GUCY1A2: variants seen among roughly 807,000 people sequenced by gnomAD.
GUCY1A2 encodes guanylate cyclase soluble subunit alpha-2.
A neutral mutation model predicts 63.5 loss-of-function variants in GUCY1A2; 27 were observed. The observed-to-expected ratio is 0.43, with a 90% CI of 0.31 to 0.59. The LOEUF (loss-of-function observed/expected upper bound fraction) is 0.59, where lower values mean the gene tolerates loss of function less well. Ranked by LOEUF, GUCY1A2 falls within the 20% of genes least tolerant of loss-of-function variation. The pLI is 0.11. For missense variants in GUCY1A2, 768 were observed against 913.3 expected (o/e 0.84, Z 2.05); for synonymous variants, 364 against 343.5 (o/e 1.06, Z -0.66).
intron 5 of GUCY1A2, among the ~76,000 whole-genome samples, chr11:106,779,404 C>T (rs557970034): frequency 1.3e-5 from 2 of 152,248 alleles, no homozygotes; most frequent in African/African-American, 4.8e-5. Context: ...AGACAATGTT[C>T]TTTGCTAATC....
chr11:106,985,751 C>G (rs551314072), intron 2 of GUCY1A2, among the ~76,000 whole-genome samples: 1 of 152,004 alleles, frequency 6.6e-6, no homozygotes, highest in Non-Finnish European at 1.5e-5. Flanking sequence ...GGGTTGGTAC[C>G]AATAAAGCTC....
chr11:106,743,739 C>A (rs772649988), intron 6 of GUCY1A2, among the ~76,000 whole-genome samples: 7 of 152,152 alleles, frequency 4.6e-5, no homozygotes, highest in Non-Finnish European at 8.8e-5. Context: ...GAAAGCCATT[C>A]AGTTTGTAAA....
chr11:106,745,265 A>G (rs376910011), intron 6 of GUCY1A2, among the ~76,000 whole-genome samples: 4 of 152,332 alleles, frequency 2.6e-5, no homozygotes, highest in African/African-American at 9.6e-5. Flanking sequence ...TAAACCCCAC[A>G]GTGTTCTAGG....
chr11:106,760,053 G>A (rs936685988), intron 6 of GUCY1A2, among the ~76,000 whole-genome samples: 2 of 152,116 alleles, frequency 1.3e-5, no homozygotes, highest in African/African-American at 2.4e-5. Flanking sequence ...ATAGTAGAGA[G>A]ACCTGGACAG....
intron 1 of GUCY1A2, among the ~76,000 whole-genome samples, chr11:107,000,611 C>CT (rs1386062863): frequency 2.0e-5 from 3 of 152,194 alleles, no homozygotes; most frequent in Admixed American, 2.0e-4. Context: ...GGTCATCTCT[C>CT]TCCCTCTCTC....
intron 1 of GUCY1A2, among the ~76,000 whole-genome samples, chr11:106,998,497 C>T (rs1348057002): frequency 2.0e-5 from 3 of 152,116 alleles, no homozygotes; most frequent in Non-Finnish European, 2.9e-5. Context: ...ATATTCACAC[C>T]GGAATTTTAA....
intron 3 of GUCY1A2, among the ~76,000 whole-genome samples, chr11:106,961,448 C>G (rs1861056739): frequency 6.6e-6 from 1 of 152,222 alleles, no homozygotes; most frequent in East Asian, 1.9e-4. Context: ...AAGATTCCCT[C>G]AACACTATTT....
chr11:106,724,062 T>C (rs1863362933), intron 6 of GUCY1A2, among the ~76,000 whole-genome samples: 1 of 152,328 alleles, frequency 6.6e-6, no homozygotes, highest in South Asian at 2.1e-4. Flanking sequence ...AACAACCATA[T>C]GAATAAACAG....
chr11:106,819,402 G>A (rs530123910), intron 4 of GUCY1A2, among the ~76,000 whole-genome samples: 3 of 152,218 alleles, frequency 2.0e-5, no homozygotes, highest in Non-Finnish European at 4.4e-5. Context: ...GTGATAGGAC[G>A]AGTCAATCGA....
intron 4 of GUCY1A2, among the ~76,000 whole-genome samples, chr11:106,868,477 G>T (rs1352301273): frequency 6.6e-6 from 1 of 152,058 alleles, no homozygotes; most frequent in African/African-American, 2.4e-5. Flanking sequence ...CAAACAGAGA[G>T]CCAAATCATG....
At chr11:106,819,401 C>T (rs1014982795) in intron 4 of GUCY1A2, among the ~76,000 whole-genome samples, 4 of 152,062 alleles carry the variant, frequency 2.6e-5, no homozygotes, top group Admixed American at 6.6e-5. Context: ...TGTGATAGGA[C>T]GAGTCAATCG....
chr11:106,816,351 A>C (rs11211926), intron 4 of GUCY1A2, among the ~76,000 whole-genome samples: 24,543 of 151,668 alleles, frequency 0.16, 2,361 homozygotes, highest in East Asian at 0.28. Context: ...CAATGTGAAA[A>C]TGAAACAACA....
chr11:106,792,482 T>C (rs2135413125), intron 5 of GUCY1A2, among the ~76,000 whole-genome samples: 1 of 151,750 alleles, frequency 6.6e-6, no homozygotes, highest in African/African-American at 2.4e-5. Flanking sequence ...ATAAATGTGA[T>C]TCATCACAAA....
At chr11:106,962,766 T>C (rs1861075609) in intron 3 of GUCY1A2, among the ~76,000 whole-genome samples, 1 of 148,160 alleles carries the variant, frequency 6.7e-6, no homozygotes, top group Admixed American at 6.8e-5. Flanking sequence ...TTTTAAGGAA[T>C]TATATATATT....
At chr11:106,706,491 A>T (rs1329096470) in intron 7 of GUCY1A2, among the ~76,000 whole-genome samples, 1 of 151,620 alleles carries the variant, frequency 6.6e-6, no homozygotes, top group South Asian at 2.1e-4. Context: ...TGTGAAAAAG[A>T]CTACAAAAAC....
chr11:106,827,235 C>T, intron 4 of GUCY1A2: 1 of 1,543,062 alleles, frequency 6.5e-7, no homozygotes, highest in Admixed American at 1.7e-5. Context: ...TTCTAGCTTC[C>T]TTTTTCCTTC....
At chr11:106,825,941 T>C (rs1021325480) in intron 4 of GUCY1A2, among the ~76,000 whole-genome samples, 4 of 152,158 alleles carry the variant, frequency 2.6e-5, no homozygotes, top group African/African-American at 9.7e-5. Context: ...AAGTCATCAA[T>C]ATAAATATTA....
At chr11:106,850,374 G>C in intron 4 of GUCY1A2, among the ~76,000 whole-genome samples, 1 of 151,750 alleles carries the variant, frequency 6.6e-6, no homozygotes, top group East Asian at 1.9e-4. Flanking sequence ...CTCTCATCTA[G>C]CTTTTTGAAA....
intron 1 of GUCY1A2, among the ~76,000 whole-genome samples, chr11:107,002,074 A>C (rs1861618948): frequency 6.6e-6 from 1 of 152,074 alleles, no homozygotes; most frequent in Non-Finnish European, 1.5e-5. Flanking sequence ...TTGTAGTCAT[A>C]AAATTTTGCA....
Sources: gnomAD v4.1 joint callset for allele counts (sites outside exome capture counted in the v4.1 genomes callset) on GRCh38, gnomAD v4.1.1 for gene constraint, MANE v1.5 for transcripts, NCBI Gene and HGNC (gene_info 2026-07-23, HGNC 2026-07-21) for gene names.